The following B3GALT1 variants were observed in gnomAD, a reference collection of about 807,000 sequenced individuals.
B3GALT1 encodes the protein UDP-Gal:betaGlcNAc beta 1,3-galactosyltransferase, polypeptide 1.
B3GALT1 carries 10 observed loss-of-function variants against 23.2 expected under a neutral mutation model. The ratio of observed to expected loss-of-function variants is 0.43; its 90% confidence interval spans 0.27 to 0.73. The LOEUF (loss-of-function observed/expected upper bound fraction) is 0.73. B3GALT1 is among the 30% of genes least tolerant of loss of function. The pLI is 0.21. For synonymous variants in B3GALT1, 156 were observed against 141.5 expected (o/e 1.10, Z -0.73); for missense variants, 299 against 405.4 (o/e 0.74, Z 2.25).
intron 3 of B3GALT1, among the ~76,000 whole-genome samples, chr2:167,680,462 C>G (rs1193706929): frequency 6.6e-6 from 1 of 152,078 alleles, no homozygotes; most frequent in African/African-American, 2.4e-5. Context: ...ATCAAAATCT[C>G]CTGGTGGTTT....
At chr2:167,856,172 CCTA>C (rs1380398667) in intron 4 of B3GALT1, among the ~76,000 whole-genome samples, 1 of 152,090 alleles carries the variant, frequency 6.6e-6, no homozygotes, top group African/African-American at 2.4e-5. Context: ...GTCCTATATG[CCTA>C]CTAAGTTTGT....
intron 2 of B3GALT1, among the ~76,000 whole-genome samples, chr2:167,611,865 AT>A (rs891448259): frequency 1.2e-4 from 18 of 152,040 alleles, no homozygotes; most frequent in Non-Finnish European, 2.6e-4. Flanking sequence ...TTAAGCAGAA[AT>A]ATTTCAGACA....
intron 2 of B3GALT1, among the ~76,000 whole-genome samples, chr2:167,491,895 C>T (rs977407429): frequency 4.0e-5 from 6 of 151,880 alleles, no homozygotes; most frequent in African/African-American, 1.5e-4. Context: ...TCTTCTCGCT[C>T]AATCCACACT....
intron 2 of B3GALT1, among the ~76,000 whole-genome samples, chr2:167,568,828 C>A (rs975045836): frequency 4.0e-5 from 6 of 151,480 alleles, no homozygotes; most frequent in African/African-American, 9.7e-5. Flanking sequence ...GATTTTCTTT[C>A]TCCTGTGTTA....
chr2:167,363,498 C>T (rs73019767), intron 1 of B3GALT1, among the ~76,000 whole-genome samples: 2,459 of 152,118 alleles, frequency 0.016, 72 homozygotes, highest in African/African-American at 0.056. Flanking sequence ...CCTGGTAAAT[C>T]GTCCAGTACA....
chr2:167,321,261 AT>A (rs1275913814), intron 1 of B3GALT1, among the ~76,000 whole-genome samples: 3 of 152,126 alleles, frequency 2.0e-5, no homozygotes, highest in African/African-American at 7.2e-5. Context: ...TGTAGTACTT[AT>A]AACATTTTGA....
chr2:167,329,916 A>C (rs553366969), intron 1 of B3GALT1, among the ~76,000 whole-genome samples: 1 of 152,146 alleles, frequency 6.6e-6, no homozygotes, highest in Non-Finnish European at 1.5e-5. Flanking sequence ...GGGGTTAATT[A>C]ATAGATGATA....
chr2:167,616,546 A>G (rs1032683290), intron 2 of B3GALT1, among the ~76,000 whole-genome samples: 10 of 152,014 alleles, frequency 6.6e-5, no homozygotes, highest in African/African-American at 2.4e-4. Flanking sequence ...TACTAAAAAC[A>G]CAAAAATTAG....
chr2:167,714,425 A>C, intron 3 of B3GALT1: 2 of 1,565,380 alleles, frequency 1.3e-6, no homozygotes, highest in South Asian at 2.2e-5. Context: ...CACAGGTGAG[A>C]GTCTGAGTGG....
chr2:167,453,542 A>G (rs1699120812), intron 1 of B3GALT1, among the ~76,000 whole-genome samples: 1 of 151,936 alleles, frequency 6.6e-6, no homozygotes, highest in South Asian at 2.1e-4. Context: ...TGTTTAGAAG[A>G]TATTTTGGTT....
intron 2 of B3GALT1, among the ~76,000 whole-genome samples, chr2:167,585,909 A>C (rs1684576935): frequency 6.6e-6 from 1 of 152,242 alleles, no homozygotes; most frequent in African/African-American, 2.4e-5. Context: ...TTAAGCAGGC[A>C]CAAAAGAACG....
At chr2:167,319,433 A>G (rs1161688237) in intron 1 of B3GALT1, among the ~76,000 whole-genome samples, 1 of 152,112 alleles carries the variant, frequency 6.6e-6, no homozygotes, top group African/African-American at 2.4e-5. Context: ...AAAAGCTTGA[A>G]ATGGTTTTCA....
At position 167,529,227 on chromosome 2, in the gene B3GALT1, T is replaced by G. The variant is rs545805630; in HGVS notation, c.-410+38950T>G. Among the ~76,000 whole-genome samples, 5 of 152,250 alleles carry G rather than the reference T, an allele frequency of 3.3e-5. No individual in the cohort carries two copies. In the East Asian group the frequency reaches 9.7e-4, roughly 30 times the overall value. On this transcript the variant is annotated intron_variant, in intron 2 of 4. Coordinates refer to ENST00000392690, the MANE Select transcript of B3GALT1 (RefSeq NM_020981.4). ...CTCACCAGTAGTTTCTTCTCAATTT[T>G]TATTACTGGCTTCTCATTCCCATAA...
chr2:167,798,303 T>C (rs559641256), intron 3 of B3GALT1, among the ~76,000 whole-genome samples: 1 of 152,352 alleles, frequency 6.6e-6, no homozygotes, highest in East Asian at 1.9e-4. Context: ...ATCCCATTTG[T>C]CATTTTTAGC....
Position 167,302,092 on chromosome 2 carries a change from G to T in B3GALT1, c.-511+8758G>T, listed in dbSNP as rs541367224. On this transcript the variant is annotated intron_variant, in intron 1 of 4. Coordinates refer to ENST00000392690, the MANE Select transcript of B3GALT1 (RefSeq NM_020981.4). ...ACAAAAGGGGAATAATTAAATTGTGGCATACACTATTAAATCATTGATTTT... is the reference window on the plus strand; with the variant it reads ...ACAAAAGGGGAATAATTAAATTGTGTCATACACTATTAAATCATTGATTTT... 6.2e-4 allele frequency among the ~76,000 whole-genome samples: 95 copies of T among 152,138 alleles called. 1 individual carries two copies. Among genetic ancestry groups the T allele is most frequent in the Non-Finnish European group, 1.0e-3 (70 of 68,000 alleles).
At chr2:167,721,781 A>G (rs756975600) in intron 3 of B3GALT1, among the ~76,000 whole-genome samples, 1 of 152,218 alleles carries the variant, frequency 6.6e-6, no homozygotes, top group Non-Finnish European at 1.5e-5. Flanking sequence ...TACCCTGGCC[A>G]TCAGGCAGCA....
chr2:167,494,332 C>A (rs1699749451), intron 2 of B3GALT1, among the ~76,000 whole-genome samples: 1 of 148,980 alleles, frequency 6.7e-6, no homozygotes. Flanking sequence ...AGTGAGACTC[C>A]TCTCAAAAAA....
intron 1 of B3GALT1, among the ~76,000 whole-genome samples, chr2:167,351,268 C>CA (rs890751165): frequency 0.054 from 3,458 of 63,638 alleles, 53 homozygotes; most frequent in Non-Finnish European, 0.058. Context: ...GACTCCGTCT[C>CA]AAAAAAAAAA....
chr2:167,633,305 C>T (rs1199304789), intron 2 of B3GALT1, among the ~76,000 whole-genome samples: 2 of 151,014 alleles, frequency 1.3e-5, no homozygotes, highest in Non-Finnish European at 2.9e-5. Flanking sequence ...GGATTACCCA[C>T]AAAGGGAACC....
Sources: allele counts gnomAD v4.1 joint callset (sites outside exome capture counted in the v4.1 genomes callset), GRCh38; gene constraint gnomAD v4.1.1; transcripts MANE v1.5; gene names NCBI Gene and HGNC (gene_info 2026-07-23, HGNC 2026-07-21).